The following LIPG variants were observed in gnomAD, a reference collection of about 807,000 sequenced individuals.
The protein encoded by LIPG is endothelial lipase.
Under a neutral mutation model 51.8 loss-of-function variants are expected in LIPG, and 34 were observed. The observed-to-expected ratio is 0.66, with a 90% confidence interval of 0.50 to 0.87. LIPG has a LOEUF of 0.87. LIPG is among the 40% of genes least tolerant of loss of function. The pLI is 0.00. For synonymous variants in LIPG, 246 were observed against 246.1 expected (o/e 1.00, Z 0.00); for missense variants, 580 against 652.7 (o/e 0.89, Z 1.21).
chr18:49,591,078 A>T lies in LIPG; in HGVS notation c.*556A>T. The T allele has an allele frequency of 6.1e-6, 1 of 164,984 alleles. No individual in the cohort carries two copies. The highest frequency in any genetic ancestry group is 5.7e-5 in the Admixed American group (1 of 17,628). The allele number at this position is 164,984 out of a possible 1,614,324, so 10.2% of individuals were successfully genotyped here. A position where few individuals can be genotyped will look rare whatever the true frequency, so the allele number is the denominator to read the frequency against. ...GCCATTCCGTCCTGCTCCCCAGCTC[A>T]CTCTCTGAAGCACACATCATTGGCT... On this transcript the variant is annotated 3_prime_UTR_variant, in exon 10 of 10. Coordinates refer to ENST00000261292, the MANE Select transcript of LIPG (RefSeq NM_006033.4).
intron 7 of LIPG, 33 bp downstream of exon 7, chr18:49,582,515 A>T: frequency 6.2e-7 from 1 of 1,614,022 alleles, no homozygotes; most frequent in African/African-American, 1.3e-5. Flanking sequence ...TGGGTTCGGG[A>T]CAGAGAACAG....
chr18:49,582,019 G>A (rs564558045), intron 6 of LIPG, among the ~76,000 whole-genome samples: 2 of 152,332 alleles, frequency 1.3e-5, no homozygotes, highest in South Asian at 2.1e-4. Flanking sequence ...ATAATGTGCT[G>A]TAAAATCACA....
rs2084994509 is a variant in LIPG, at chr18:49,598,645, TA to T, written c.*8126del. Reference sequence around the variant, plus strand: ...AGGCACACAATAAACTGCACACAGGTAAATCATATAATTTGACATTTTGGTA... The same window carrying T: ...AGGCACACAATAAACTGCACACAGGTAATCATATAATTTGACATTTTGGTA... On this transcript the variant is annotated 3_prime_UTR_variant, in exon 10 of 10. Transcript: ENST00000261292. 1 of 152,202 alleles carries T rather than the reference TA, an allele frequency of 6.6e-6. No individual in the cohort carries two copies. The highest frequency in any genetic ancestry group is 2.4e-5 in the African/African-American group (1 of 41,436). 9.4% of individuals were successfully genotyped at this position (152,202 alleles called of 1,614,324 possible). A position where few individuals can be genotyped will look rare whatever the true frequency, so the allele number is the denominator to read the frequency against.
chr18:49,565,630 T>G (rs927736458), intron 2 of LIPG, 132 bp downstream of exon 2: 2 of 1,012,330 alleles, frequency 2.0e-6, no homozygotes, highest in African/African-American at 3.2e-5. Context: ...TGCTTGTATT[T>G]CAGACAGCTG....
chr18:49,586,649 C>T (rs996418044), intron 8 of LIPG, 97 bp from the exon 9 acceptor site: 1 of 851,006 alleles, frequency 1.2e-6, no homozygotes, highest in Non-Finnish European at 2.0e-6. Flanking sequence ...ATGAAAATTT[C>T]ACCCCTGCCT....
chr18:49,565,507 G>C lies in LIPG; in HGVS notation c.279+9G>C, dbSNP rs774035067. Reference sequence around the variant, plus strand: ...TCATTCACGGATGGACGGTGAGCCCGGGGAGGGAGCTCTGCGGCTTTATAT... The same window carrying C: ...TCATTCACGGATGGACGGTGAGCCCCGGGAGGGAGCTCTGCGGCTTTATAT... On this transcript the variant is annotated intron_variant, in intron 2 of 9. Coordinates refer to ENST00000261292, the MANE Select transcript of LIPG (RefSeq NM_006033.4). The C allele has an allele frequency of 6.2e-7, 1 of 1,613,974 alleles. No homozygotes were observed. The highest frequency in any genetic ancestry group is 2.2e-5 in the East Asian group (1 of 44,884).
At chr18:49,568,953 A>G (rs1460268805) in intron 3 of LIPG, among the ~76,000 whole-genome samples, 2 of 152,116 alleles carry the variant, frequency 1.3e-5, no homozygotes, top group African/African-American at 4.8e-5. Context: ...ACAGGGGACA[A>G]TGCGTCAAGT....
At chr18:49,567,346 AAATT>A (rs928421048) in intron 2 of LIPG, 92 bp from the exon 3 acceptor site, 7 of 1,334,966 alleles carry the variant, frequency 5.2e-6, no homozygotes, top group East Asian at 2.5e-5. Flanking sequence ...CAAAAAAAAA[AAATT>A]AATTGGGAAG....
chr18:49,562,226 C>A lies in LIPG; in HGVS notation c.-83C>A, dbSNP rs2084557385. 59 of 1,607,614 alleles carry A rather than the reference C, an allele frequency of 3.7e-5. No homozygotes were observed. Among genetic ancestry groups the A allele is most frequent in the Non-Finnish European group, 4.9e-5 (58 of 1,178,670 alleles). On this transcript the variant is annotated 5_prime_UTR_variant, in exon 1 of 10. Transcript: ENST00000261292. ...CCCCTGGCCGAGAGAAGGGTCTTACCGGCCGGGATTGCTGGAAACACCAAG... is the reference window on the plus strand; with the variant it reads ...CCCCTGGCCGAGAGAAGGGTCTTACAGGCCGGGATTGCTGGAAACACCAAG...
In LIPG at chr18:49,583,561, A is replaced by G; in HGVS notation, c.1163A>G (p.Glu388Gly). ...DSQTLPLEIVERIEQNATNTF... is the reference protein window; with the variant it reads ...DSQTLPLEIVGRIEQNATNTF... The stretch of plus-strand genomic sequence containing the variant: ...AGCTTCTCTCCCACTTGTAGAGTGG[A>G]GCGGATCGAGCAGAATGCCACCAAC... The change falls in exon 8 of 10, where the codon GAG (glutamate) becomes GGG (glycine). Residue 388 changes from glutamate (E) to glycine (G), a missense_variant. Coordinates refer to ENST00000261292, the MANE Select transcript of LIPG (RefSeq NM_006033.4). 1 of 1,613,946 alleles carries G rather than the reference A, an allele frequency of 6.2e-7. No homozygotes were observed. The highest frequency in any genetic ancestry group is 8.5e-7 in the Non-Finnish European group (1 of 1,179,930).
chr18:49,577,788 C>T (rs1217457132), intron 5 of LIPG, among the ~76,000 whole-genome samples: 2 of 110,554 alleles, frequency 1.8e-5, no homozygotes, highest in South Asian at 3.4e-4. Flanking sequence ...GCTGGCCAGG[C>T]GGGGGGCTGA....
upstream of LIPG, chr18:49,561,939 C>T (rs2084554166): frequency 1.5e-6 from 2 of 1,338,486 alleles, no homozygotes; most frequent in Non-Finnish European, 1.9e-6. Context: ...TCGGTTCCGG[C>T]GTCAGCAAGG....
rs1464045400 is a variant in LIPG, at chr18:49,578,051, C to T, written c.793+2461C>T. Among the ~76,000 whole-genome samples the T allele has an allele frequency of 8.1e-4, 116 of 142,764 alleles. 1 individual carries two copies. The highest frequency in any genetic ancestry group is 3.9e-3 in the Middle Eastern group (1 of 254). The allele number at this position is 142,764 out of a possible 152,430, so 93.7% of individuals were successfully genotyped here. ...CCCCCCACCTCCCTCCCGGATGGCA[C>T]GGCTGGCCGGGCGGGGGGGCTGGCC... On this transcript the variant is annotated intron_variant, in intron 5 of 9. Coordinates refer to ENST00000261292, the MANE Select transcript of LIPG (RefSeq NM_006033.4).
chr18:49,583,463 G>T, intron 7 of LIPG, 93 bp from the exon 8 acceptor site: 2 of 973,648 alleles, frequency 2.1e-6, no homozygotes, highest in Non-Finnish European at 1.7e-6. Flanking sequence ...TCTCCTGTCT[G>T]TGTGGGGTTG....
chr18:49,562,955 A>G (rs2084567306), intron 1 of LIPG, among the ~76,000 whole-genome samples: 1 of 151,974 alleles, frequency 6.6e-6, no homozygotes, highest in African/African-American at 2.4e-5. Flanking sequence ...TTCCTCTTCA[A>G]CACTCTTGTG....
chr18:49,597,371 A>C lies in LIPG; in HGVS notation c.*6849A>C, dbSNP rs755267951. ...GGTTTCCATGGCAGCAACGGTTGCCATAGAGAGGTGAAGAGAGGTGTCGGT... is the reference window on the plus strand; with the variant it reads ...GGTTTCCATGGCAGCAACGGTTGCCCTAGAGAGGTGAAGAGAGGTGTCGGT... On this transcript the variant is annotated 3_prime_UTR_variant, in exon 10 of 10. Transcript: ENST00000261292. 6.6e-6 allele frequency: 1 copy of C among 152,230 alleles called. No homozygotes were observed. Among genetic ancestry groups the C allele is most frequent in the African/African-American group, 2.4e-5 (1 of 41,460 alleles). 9.4% of individuals were successfully genotyped at this position (152,230 alleles called of 1,614,324 possible). A position where few individuals can be genotyped will look rare whatever the true frequency, so the allele number is the denominator to read the frequency against.
At chr18:49,578,849 C>T (rs1219982224) in intron 5 of LIPG, among the ~76,000 whole-genome samples, 33 of 150,358 alleles carry the variant, frequency 2.2e-4, no homozygotes, top group Non-Finnish European at 3.1e-4. Flanking sequence ...AGCGAAACCC[C>T]GTCTCCACCA....
rs35084417 is a variant in LIPG, at chr18:49,575,466, G to A, written c.669G>A (p.Thr223=). The part of the protein sequence containing the change: ...ADFVDVLHTY[T]RSFGLSIGIQ... ...TTGTGGATGTCCTCCACACCTACAC[G>A]CGTTCCTTCGGCTTGAGCATTGGTA... is the stretch of plus-strand genomic sequence containing the variant. Residue 223 remains threonine, a synonymous_variant, in exon 5 of 10, where the codon ACG becomes ACA. Transcript: ENST00000261292. The A allele has an allele frequency of 1.6e-5, 26 of 1,614,052 alleles. No homozygotes were observed. The highest frequency in any genetic ancestry group is 2.1e-5 in the Non-Finnish European group (25 of 1,180,050).
intron 4 of LIPG, 90 bp downstream of exon 4, chr18:49,569,638 T>C (rs1199218919): frequency 3.7e-6 from 4 of 1,075,504 alleles, no homozygotes; most frequent in Non-Finnish European, 4.2e-6. Context: ...TCATAGAAAG[T>C]TAGCTTTGGA....
Sources: allele counts gnomAD v4.1 joint callset (sites outside exome capture counted in the v4.1 genomes callset), GRCh38; gene constraint gnomAD v4.1.1; transcripts MANE v1.5; gene names NCBI Gene and HGNC (gene_info 2026-07-23, HGNC 2026-07-21).